The following ANKRD30B variants were observed in gnomAD, a reference collection of about 807,000 sequenced individuals.
ANKRD30B encodes ankyrin repeat domain 30B.
A neutral mutation model predicts 202.2 loss-of-function variants in ANKRD30B; 144 were observed. The ratio of observed to expected loss-of-function variants is 0.71; its 90% CI spans 0.62 to 0.82. The LOEUF is 0.82. ANKRD30B is among the 40% of genes least tolerant of loss of function. ANKRD30B has a pLI of 0.00. For missense variants in ANKRD30B, 1,487 were observed against 1,669.1 expected (o/e 0.89, Z 1.90); for synonymous variants, 508 against 561.3 (o/e 0.91, Z 1.34).
intron 36 of ANKRD30B, among the ~76,000 whole-genome samples, chr18:14,838,942 A>T (rs190921440): frequency 3.3e-5 from 5 of 152,376 alleles, no homozygotes; most frequent in Admixed American, 3.3e-4. Flanking sequence ...TATTGTTAGC[A>T]CAAGAATGGG....
intron 18 of ANKRD30B, among the ~76,000 whole-genome samples, chr18:14,796,640 A>G (rs1968916669): frequency 6.6e-6 from 1 of 152,180 alleles, no homozygotes; most frequent in Admixed American, 6.5e-5. Context: ...ATATCTGTCC[A>G]GCAGCCTGCA....
chr18:14,870,357 C>T, the ANKRD30B span, among the ~76,000 whole-genome samples: 1 of 152,230 alleles, frequency 6.6e-6, no homozygotes, highest in East Asian at 1.9e-4. Context: ...CTCCCACATG[C>T]AGGCAGTCTC....
chr18:14,867,413 C>T, the ANKRD30B span, among the ~76,000 whole-genome samples: 8 of 151,640 alleles, frequency 5.3e-5, no homozygotes, highest in African/African-American at 1.9e-4. Context: ...GAGGAAGGGG[C>T]CCTTCTCCTC....
chr18:14,918,015 A>T, the ANKRD30B span, among the ~76,000 whole-genome samples: 1 of 152,188 alleles, frequency 6.6e-6, no homozygotes, highest in East Asian at 1.9e-4. Context: ...CTGAAGAACT[A>T]GAAAACTTCT....
chr18:14,908,964 C>A, the ANKRD30B span, among the ~76,000 whole-genome samples: 1 of 152,166 alleles, frequency 6.6e-6, no homozygotes, highest in African/African-American at 2.4e-5. Context: ...CATAGATGGA[C>A]AATGGCCAAG....
At position 14,796,345 on chromosome 18, in the gene ANKRD30B, T is replaced by G. The variant is rs1248219181; in HGVS notation, c.1857T>G (p.Pro619=). The part of the protein sequence containing the change: ...ESPVKDGLLK[P]TCGRKVSLPN... ...TTTGTGTTTCCAAACCCATTTAGCC[T>G]ACCTGTGGAAGGAAAGTTTCTCTTC... The change falls in exon 18 of 44, where the codon CCT becomes CCG. Residue 619 remains proline (P), a splice_region_variant and synonymous_variant. Coordinates refer to ENST00000690538, the MANE Select transcript of ANKRD30B (RefSeq NM_001367607.2). 1.3e-6 allele frequency: 2 copies of G among 1,592,706 alleles called. No homozygotes were observed. The highest frequency in any genetic ancestry group is 2.3e-5 in the East Asian group (1 of 43,840).
At chr18:14,878,406 A>G in the ANKRD30B span, among the ~76,000 whole-genome samples, 5 of 152,106 alleles carry the variant, frequency 3.3e-5, no homozygotes, top group South Asian at 6.2e-4. Flanking sequence ...CTGCACTATT[A>G]TTAATAAGGA....
chr18:14,854,888 C>G (rs1396178012), downstream of ANKRD30B, among the ~76,000 whole-genome samples: 2 of 149,982 alleles, frequency 1.3e-5, no homozygotes, highest in African/African-American at 4.9e-5. Context: ...CACGCTCTAC[C>G]CTTGGGGTGA....
chr18:14,852,101 A>G lies in ANKRD30B; in HGVS notation c.4157A>G (p.Asp1386Gly). 6.2e-7 allele frequency: 1 copy of G among 1,608,282 alleles called. No individual in the cohort carries two copies. Among genetic ancestry groups the G allele is most frequent in the South Asian group, 1.1e-5 (1 of 90,174 alleles). The change falls in exon 42 of 44, where the codon GAC becomes GGC. Residue 1386 changes from aspartate (D) to glycine (G), a missense_variant. Asp to Gly is a moderately conservative substitution (Grantham distance 94). Around this residue, in one of 6 missense-constraint regions of ANKRD30B, gnomAD observed 182 missense variants for 216.0 expected, o/e 0.84. Coordinates refer to ENST00000690538, the MANE Select transcript of ANKRD30B (RefSeq NM_001367607.2). ...TTGGTTTCAGAACATGCACAAAGAG[A>G]CCGATGTGAAACACAGTGTCAAATG... is the stretch of plus-strand genomic sequence containing the variant. ...NALVSEHAQRDRCETQCQMKK... is the reference protein window; with the variant it reads ...NALVSEHAQRGRCETQCQMKK...
At chr18:14,760,123 TC>T (rs1915024513) in intron 5 of ANKRD30B, among the ~76,000 whole-genome samples, 1 of 152,230 alleles carries the variant, frequency 6.6e-6, no homozygotes, top group South Asian at 2.1e-4. Context: ...CTTCACTATT[TC>T]TTTGAGCATT....
chr18:14,785,897 G>A (rs1028574833), intron 14 of ANKRD30B, among the ~76,000 whole-genome samples: 14 of 151,978 alleles, frequency 9.2e-5, no homozygotes, highest in African/African-American at 2.9e-4. Flanking sequence ...AATTAGCCGG[G>A]TGCGGTGGCG....
chr18:14,763,978 G>A lies in ANKRD30B; in HGVS notation c.1113G>A (p.Lys371=). The change falls in exon 7 of 44, where the codon AAG becomes AAA. Residue 371 remains lysine (K), a synonymous_variant. Coordinates refer to ENST00000690538, the MANE Select transcript of ANKRD30B (RefSeq NM_001367607.2). ...GGGAGGAAAAAGAAACATCTGTAAA[G>A]ACTGAATGCGTGGCAGGAGTAACAC... ...ITWEEKETSV[K]TECVAGVTPN... 6.2e-7 allele frequency: 1 copy of A among 1,603,748 alleles called. No homozygotes were observed. Among genetic ancestry groups the A allele is most frequent in the Non-Finnish European group, 8.5e-7 (1 of 1,175,164 alleles).
At position 14,753,009 on chromosome 18, in the gene ANKRD30B, C is replaced by G. The variant is rs751935007; in HGVS notation, c.507C>G (p.Asn169Lys). The part of the protein sequence containing the change: ...LSYGAVIEVQ[N>K]KASLTPLLLA... Reference sequence around the variant, plus strand: ...ATGGTGCAGTCATCGAGGTGCAAAACAAGGTAGACATTAACCAATGTTATT... The same window carrying G: ...ATGGTGCAGTCATCGAGGTGCAAAAGAAGGTAGACATTAACCAATGTTATT... The change falls in exon 3 of 44, where the codon AAC (asparagine) becomes AAG (lysine). Residue 169 changes from asparagine to lysine, a missense_variant. Asn to Lys is a moderately conservative substitution (Grantham distance 94). Transcript: ENST00000690538. 20 of 1,585,550 alleles carry G rather than the reference C, an allele frequency of 1.3e-5. No homozygotes were observed. Among genetic ancestry groups the G allele is most frequent in the Non-Finnish European group, 1.6e-5 (19 of 1,165,568 alleles).
At chr18:14,755,207 C>T (rs920690902) in intron 4 of ANKRD30B, among the ~76,000 whole-genome samples, 7 of 152,030 alleles carry the variant, frequency 4.6e-5, no homozygotes, top group African/African-American at 1.7e-4. Flanking sequence ...CTTATCTTCT[C>T]TTATTATATT....
the ANKRD30B span, among the ~76,000 whole-genome samples, chr18:14,925,067 C>G: frequency 6.6e-6 from 1 of 152,208 alleles, no homozygotes; most frequent in Non-Finnish European, 1.5e-5. Flanking sequence ...AGTGAGAGTA[C>G]TGGATAATGA....
the ANKRD30B span, among the ~76,000 whole-genome samples, chr18:14,888,169 C>CT: frequency 6.6e-6 from 1 of 151,684 alleles, no homozygotes; most frequent in Non-Finnish European, 1.5e-5. Context: ...TGAGAATATT[C>CT]TTTTTTTCTG....
At chr18:14,909,851 A>C in the ANKRD30B span, 2 of 152,292 alleles carry the variant, frequency 1.3e-5, no homozygotes, top group African/African-American at 4.8e-5. Context: ...AGCACACAAT[A>C]CTAGCATCTA....
At chr18:14,919,093 G>A in the ANKRD30B span, among the ~76,000 whole-genome samples, 1 of 152,198 alleles carries the variant, frequency 6.6e-6, no homozygotes, top group Admixed American at 6.5e-5. Flanking sequence ...CAGGTATCCT[G>A]TGAGAGCTGC....
At chr18:14,938,461 C>A in the ANKRD30B span, among the ~76,000 whole-genome samples, 1 of 152,218 alleles carries the variant, frequency 6.6e-6, no homozygotes, top group Non-Finnish European at 1.5e-5. Flanking sequence ...TATTCCCTTT[C>A]TCCTCTTCAG....
Sources: gnomAD v4.1 joint callset for allele counts (sites outside exome capture counted in the v4.1 genomes callset) on GRCh38, gnomAD v4.1.1 for gene constraint, gnomAD v4.1.1 regional missense constraint, MANE v1.5 for transcripts, NCBI Gene and HGNC (gene_info 2026-07-23, HGNC 2026-07-21) for gene names.